The following TNS1 variants were observed in gnomAD, a reference collection of about 807,000 sequenced individuals.
TNS1 encodes tensin-1.
Under a neutral mutation model 168.6 loss-of-function variants are expected in TNS1, and 62 were observed. The observed-to-expected ratio is 0.37, with a 90% confidence interval of 0.30 to 0.45. The LOEUF is 0.45. Ranked by LOEUF, TNS1 falls within the 20% of genes least tolerant of loss-of-function variation. The pLI, the probability that TNS1 is intolerant of heterozygous loss-of-function variation, is 1.00. For missense variants in TNS1, 2,240 were observed against 2,339.4 expected (o/e 0.96, Z 0.88); for synonymous variants, 934 against 933.2 (o/e 1.00, Z -0.02).
In TNS1 at chr2:217,802,173, A is replaced by C. The variant is rs1243303864; in HGVS notation, c.*2286T>G. The C allele has an allele frequency of 1.3e-5, 2 of 152,236 alleles. No homozygotes were observed. Among genetic ancestry groups the C allele is most frequent in the Non-Finnish European group, 2.9e-5 (2 of 68,052 alleles). The allele number at this position is 152,236 out of a possible 1,614,324, so 9.4% of individuals were successfully genotyped here. ...GAAATATCTCCTATCTTGGAAGATA[A>C]TTGGGGTTTGCTAGGGAATGAGGAG... On this transcript the variant is annotated 3_prime_UTR_variant, in exon 33 of 33. Transcript: ENST00000682258.
rs1246479738 is a variant in TNS1, at chr2:217,813,359, C to T, written c.4862-52G>A. On this transcript the variant is annotated intron_variant, in intron 26 of 32. Coordinates refer to ENST00000682258, the MANE Select transcript of TNS1 (RefSeq NM_001387777.1). The surrounding 1 kb of genome is among the most constrained non-coding windows in gnomAD (Gnocchi z 4.0). ...TCAGTCCCTGCCCATGGCTTCCTCC[C>T]ACCACCTCCCAAGACTGCTTCAAAA... 4.3e-6 allele frequency: 6 copies of T among 1,389,866 alleles called. No individual in the cohort carries two copies. In the East Asian group the frequency reaches 7.5e-5, roughly 17 times the overall value. The allele number at this position is 1,389,866 out of a possible 1,614,324, so 86.1% of individuals were successfully genotyped here. A position where few individuals can be genotyped will look rare whatever the true frequency, so the allele number is the denominator to read the frequency against.
intron 3 of TNS1, among the ~76,000 whole-genome samples, chr2:217,936,280 G>A (rs995156551): frequency 9.2e-5 from 14 of 152,136 alleles, no homozygotes; most frequent in African/African-American, 2.9e-4. Context: ...GGATCCTCTC[G>A]GTGCCTTAAA....
chr2:217,893,386 GCATGTGCGCGCGCGCA>G, intron 10 of TNS1, 37 bp downstream of exon 10: 1 of 1,520,084 alleles, frequency 6.6e-7, no homozygotes, highest in South Asian at 1.3e-5. Flanking sequence ...ACACATGTGC[GCATGTGCGCGCGCGCA>G]CACACACACA....
At chr2:217,833,379 G>GA (rs1393715064) in intron 21 of TNS1, among the ~76,000 whole-genome samples, 1 of 152,228 alleles carries the variant, frequency 6.6e-6, no homozygotes, top group African/African-American at 2.4e-5. Flanking sequence ...CTTCCTGAGA[G>GA]AAAAATTCCA....
chr2:217,902,969 A>T (rs1953195406), intron 6 of TNS1, among the ~76,000 whole-genome samples: 1 of 152,094 alleles, frequency 6.6e-6, no homozygotes, highest in Non-Finnish European at 1.5e-5. Flanking sequence ...AGAACAACAA[A>T]TGGGCTGGGG....
At position 217,841,679 on chromosome 2, in the gene TNS1, A is replaced by G. The variant is rs562049228; in HGVS notation, c.3008-5468T>C. 2.0e-5 allele frequency among the ~76,000 whole-genome samples: 3 copies of G among 152,058 alleles called. No homozygotes were observed. The South Asian group carries it at 6.2e-4, about 32-fold the overall frequency. On this transcript the variant is annotated intron_variant, in intron 19 of 32. Transcript: ENST00000682258. ...GACCAGGAGAATTCACGCATCCCTC[A>G]CCTGCTCCCATAGGCAGCAGGCCTG... is the stretch of plus-strand genomic sequence containing the variant.
chr2:217,884,059 C>G (rs369192218), intron 16 of TNS1, among the ~76,000 whole-genome samples: 1 of 138,504 alleles, frequency 7.2e-6, no homozygotes, highest in Admixed American at 8.2e-5. Context: ...TAGGGCCTGA[C>G]TTCTTTCTGT....
intron 18 of TNS1, chr2:217,879,146 AT>A (rs1950459865): frequency 1.5e-5 from 4 of 261,110 alleles, no homozygotes; most frequent in Non-Finnish European, 2.3e-5. Flanking sequence ...AGCCAAATAC[AT>A]CCTAAGCCCC....
At chr2:217,915,787 G>C (rs1954943134) in intron 4 of TNS1, among the ~76,000 whole-genome samples, 1 of 152,212 alleles carries the variant, frequency 6.6e-6, no homozygotes, top group Non-Finnish European at 1.5e-5. Flanking sequence ...CCATGAACAA[G>C]GCACCCAGTT....
rs1483598615 is a variant in TNS1, at chr2:217,800,027, T to A, written c.*4432A>T. Reference sequence around the variant, plus strand: ...TGGGGAAGGATGCTGGGTGATCTTGTTTCCCCCGCAGAGGGCCTGGGAGGC... The same window carrying A: ...TGGGGAAGGATGCTGGGTGATCTTGATTCCCCCGCAGAGGGCCTGGGAGGC... On this transcript the variant is annotated 3_prime_UTR_variant, in exon 33 of 33. Transcript: ENST00000682258. The A allele has an allele frequency of 2.0e-5, 3 of 152,138 alleles. No homozygotes were observed. The highest frequency in any genetic ancestry group is 1.3e-4 in the Admixed American group (2 of 15,276). The allele number at this position is 152,138 out of a possible 1,614,324, so 9.4% of individuals were successfully genotyped here. A position where few individuals can be genotyped will look rare whatever the true frequency, so the allele number is the denominator to read the frequency against.
At chr2:217,865,752 G>A (rs183779229) in intron 18 of TNS1, among the ~76,000 whole-genome samples, 1 of 152,184 alleles carries the variant, frequency 6.6e-6, no homozygotes, top group Admixed American at 6.5e-5. Context: ...TCTGGAGCCA[G>A]GAGTGTCTGA....
At chr2:218,025,654 T>A (rs1035340838) in intron 1 of TNS1, among the ~76,000 whole-genome samples, 1 of 151,928 alleles carries the variant, frequency 6.6e-6, no homozygotes, top group Non-Finnish European at 1.5e-5. Context: ...CTAAGGCAGA[T>A]CCCTGCCTGG....
At chr2:217,836,674 A>G (rs1035664475) in intron 19 of TNS1, among the ~76,000 whole-genome samples, 4 of 152,206 alleles carry the variant, frequency 2.6e-5, no homozygotes, top group Admixed American at 2.0e-4. Context: ...GGTGCTCCCA[A>G]GGAGAAACAA....
chr2:217,832,725 C>G (rs1944614283), intron 21 of TNS1, among the ~76,000 whole-genome samples: 1 of 152,234 alleles, frequency 6.6e-6, no homozygotes, highest in South Asian at 2.1e-4. Flanking sequence ...TGCAGGTGAA[C>G]ACCCACATGC....
intron 3 of TNS1, among the ~76,000 whole-genome samples, chr2:217,939,621 T>A (rs976877483): frequency 1.5e-4 from 23 of 152,260 alleles, no homozygotes; most frequent in South Asian, 2.1e-4. Context: ...AGGGCCAGAA[T>A]TCCCCCCAGC....
chr2:218,020,839 C>T (rs960615696), intron 1 of TNS1, among the ~76,000 whole-genome samples: 2 of 152,156 alleles, frequency 1.3e-5, no homozygotes, highest in Admixed American at 1.3e-4. Flanking sequence ...ACCAATCCCC[C>T]CTTGACTATC....
At chr2:217,976,530 T>C (rs951704731) in intron 3 of TNS1, among the ~76,000 whole-genome samples, 13 of 152,250 alleles carry the variant, frequency 8.5e-5, no homozygotes, top group Admixed American at 6.5e-5. Context: ...GCCTGGTTGC[T>C]GCCCTGCCAG....
chr2:217,893,968 C>T (rs764715133), intron 9 of TNS1, among the ~76,000 whole-genome samples: 1 of 152,214 alleles, frequency 6.6e-6, no homozygotes, highest in Non-Finnish European at 1.5e-5. Context: ...AAGCTCTTCT[C>T]CTACGGACAG....
chr2:217,887,292 C>T (rs1273105707), intron 12 of TNS1, among the ~76,000 whole-genome samples: 2 of 152,164 alleles, frequency 1.3e-5, no homozygotes, highest in East Asian at 1.9e-4. Context: ...CTAGGGTCAA[C>T]TTCCCCCAAT....
Sources: gnomAD v4.1 joint callset for allele counts (sites outside exome capture counted in the v4.1 genomes callset) on GRCh38, gnomAD v4.1.1 for gene constraint, Gnocchi (gnomAD v3.1) non-coding constraint, MANE v1.5 for transcripts, NCBI Gene and HGNC (gene_info 2026-07-23, HGNC 2026-07-21) for gene names.